Variants in STK32B observed in about 807,000 individuals in gnomAD.
STK32B encodes serine/threonine-protein kinase 32B.
A neutral mutation model predicts 52.6 loss-of-function variants in STK32B; 43 were observed. That is an observed-to-expected ratio of 0.82 (90% CI 0.64 to 1.05). The LOEUF (loss-of-function observed/expected upper bound fraction) is 1.05. STK32B is among the 50% of genes least tolerant of loss of function. The pLI is 0.00. For missense variants in STK32B, 621 were observed against 534.6 expected, an observed-to-expected ratio of 1.16 and a Z score of -1.59; for synonymous variants, 238 against 204.3, an observed-to-expected ratio of 1.17 and a Z score of -1.41.
intron 1 of STK32B, among the ~76,000 whole-genome samples, chr4:5,106,942 G>A (rs1254043881): frequency 6.6e-6 from 1 of 152,152 alleles, no homozygotes; most frequent in Non-Finnish European, 1.5e-5. Flanking sequence ...CTTCACTTGT[G>A]CTATACATTG....
chr4:5,438,835 G>A (rs1010753584), intron 6 of STK32B, among the ~76,000 whole-genome samples: 1 of 152,022 alleles, frequency 6.6e-6, no homozygotes, highest in Non-Finnish European at 1.5e-5. Flanking sequence ...TCCCACCTAT[G>A]AGTGACAATA....
At chr4:5,021,260 A>G in the STK32B span, among the ~76,000 whole-genome samples, 5,214 of 152,326 alleles carry the variant, frequency 0.034, 95 homozygotes, top group South Asian at 0.051. Context: ...TTCTGGTGGT[A>G]AAAGCCCTGG....
chr4:5,322,883 T>C (rs1271748768), intron 3 of STK32B, among the ~76,000 whole-genome samples: 2 of 152,206 alleles, frequency 1.3e-5, no homozygotes, highest in East Asian at 1.9e-4. Context: ...GTGTATTTCA[T>C]GTGTTATCAG....
At chr4:5,283,663 A>G (rs936631961) in intron 3 of STK32B, among the ~76,000 whole-genome samples, 7 of 152,222 alleles carry the variant, frequency 4.6e-5, no homozygotes, top group African/African-American at 1.4e-4. Context: ...GAAACCCTGC[A>G]GGCCAGGAGA....
intron 1 of STK32B, among the ~76,000 whole-genome samples, chr4:5,063,433 C>T (rs575662173): frequency 2.0e-5 from 3 of 152,270 alleles, no homozygotes; most frequent in Admixed American, 6.5e-5. Flanking sequence ...ACCTCCACCT[C>T]CCAGGCTCTA....
rs191283345 is a variant in STK32B at position 5,195,304 on chromosome 4, A to G, written c.260+26854A>G. ...ATAGAAGTAAGGAAATGAGACATTT[A>G]TAAAATGTATCAGATTTGTGCCTGC... On this transcript the variant is annotated intron_variant, in intron 3 of 11. Coordinates refer to ENST00000282908, the MANE Select transcript of STK32B (RefSeq NM_018401.3). 1.9e-3 allele frequency among the ~76,000 whole-genome samples: 297 copies of G among 152,334 alleles called. 1 individual carries two copies. Among genetic ancestry groups the G allele is most frequent in the African/African-American group, 6.4e-3 (267 of 41,570 alleles).
chr4:5,052,256 G>C (rs1199350028), intron 1 of STK32B, among the ~76,000 whole-genome samples: 1 of 152,130 alleles, frequency 6.6e-6, no homozygotes, highest in African/African-American at 2.4e-5. Flanking sequence ...GGGCTCCCCA[G>C]GAAACCGAGG....
chr4:5,258,534 A>G (rs1438714686), intron 3 of STK32B, among the ~76,000 whole-genome samples: 3 of 152,064 alleles, frequency 2.0e-5, no homozygotes, highest in African/African-American at 4.8e-5. Context: ...TGCTCCCAGA[A>G]CTGCTCCATT....
At chr4:5,447,616 A>G (rs1715581956) in intron 7 of STK32B, among the ~76,000 whole-genome samples, 1 of 152,206 alleles carries the variant, frequency 6.6e-6, no homozygotes, top group African/African-American at 2.4e-5. Flanking sequence ...AGCCTAGGTG[A>G]CAGAGTGAGG....
rs1712116543 is a variant in STK32B, at chr4:5,076,964, A to G, written c.52+25049A>G. Among the ~76,000 whole-genome samples, 3 of 152,140 alleles carry G rather than the reference A, an allele frequency of 2.0e-5. No homozygotes were observed. In the South Asian group the frequency reaches 6.2e-4, roughly 31 times the overall value. On this transcript the variant is annotated intron_variant, in intron 1 of 11. Transcript: ENST00000282908. ...GGTCACTGGGGGAAGAAGTTCAAGGAGGAGAGACAAAGGGAGGCTTCCTTG... is the reference window on the plus strand; with the variant it reads ...GGTCACTGGGGGAAGAAGTTCAAGGGGGAGAGACAAAGGGAGGCTTCCTTG...
At chr4:5,274,026 A>C (rs1256826352) in intron 3 of STK32B, among the ~76,000 whole-genome samples, 16 of 152,170 alleles carry the variant, frequency 1.1e-4, no homozygotes, top group Admixed American at 9.2e-4. Flanking sequence ...AACAAACAAA[A>C]AAAAGACTCA....
At chr4:5,446,868 G>A (rs1715500932) in intron 7 of STK32B, 92 bp downstream of exon 7, 9 of 1,222,436 alleles carry the variant, frequency 7.4e-6, no homozygotes, top group Middle Eastern at 4.5e-4. Flanking sequence ...GGCCCGCGGT[G>A]CAGGAAGGAG....
chr4:5,314,049 T>C (rs1169384315), intron 3 of STK32B, among the ~76,000 whole-genome samples: 1 of 152,136 alleles, frequency 6.6e-6, no homozygotes, highest in Non-Finnish European at 1.5e-5. Context: ...GAAAAGTTTT[T>C]TGCAGACATA....
intron 3 of STK32B, among the ~76,000 whole-genome samples, chr4:5,253,614 G>A (rs1175666870): frequency 1.3e-5 from 2 of 151,926 alleles, no homozygotes; most frequent in Non-Finnish European, 2.9e-5. Flanking sequence ...AACCTCAGGT[G>A]ATCCACCCAC....
At chr4:5,177,745 G>A in intron 3 of STK32B, among the ~76,000 whole-genome samples, 1 of 152,172 alleles carries the variant, frequency 6.6e-6, no homozygotes, top group East Asian at 1.9e-4. Flanking sequence ...GGGGCTACAT[G>A]CCCCACACAA....
Position 5,153,762 on chromosome 4 carries a change from A to G in STK32B, c.108+13802A>G, listed in dbSNP as rs1012926095. ...CAGAACTGTCTCTATTCACAGACTTATGTTTTTTCTACATGGAAAACATCA... is the reference window on the plus strand; with the variant it reads ...CAGAACTGTCTCTATTCACAGACTTGTGTTTTTTCTACATGGAAAACATCA... On this transcript the variant is annotated intron_variant, in intron 2 of 11. Coordinates refer to ENST00000282908, the MANE Select transcript of STK32B (RefSeq NM_018401.3). Among the ~76,000 whole-genome samples the G allele has an allele frequency of 5.9e-5, 9 of 152,300 alleles. No individual in the cohort carries two copies. The East Asian group carries it at 1.3e-3, about 23-fold the overall frequency.
intron 3 of STK32B, among the ~76,000 whole-genome samples, chr4:5,298,232 G>A (rs991211163): frequency 3.3e-5 from 5 of 152,188 alleles, no homozygotes; most frequent in Non-Finnish European, 5.9e-5. Flanking sequence ...CCCCTGCTGC[G>A]AGGTGTCTCC....
At chr4:5,135,942 G>T (rs968003018) in intron 1 of STK32B, among the ~76,000 whole-genome samples, 4 of 152,212 alleles carry the variant, frequency 2.6e-5, no homozygotes, top group African/African-American at 9.7e-5. Flanking sequence ...TAGATCGGTA[G>T]TTCCCAAAGT....
intron 3 of STK32B, among the ~76,000 whole-genome samples, chr4:5,266,759 CT>C (rs1263142221): frequency 6.6e-6 from 1 of 152,148 alleles, no homozygotes; most frequent in African/African-American, 2.4e-5. Context: ...AGCAATTCCC[CT>C]TGGCCTCTTT....
Sources: gnomAD v4.1 joint callset for allele counts (sites outside exome capture counted in the v4.1 genomes callset) on GRCh38, gnomAD v4.1.1 for gene constraint, MANE v1.5 for transcripts, NCBI Gene and HGNC (gene_info 2026-07-23, HGNC 2026-07-21) for gene names.